FOCAD: variants seen among roughly 807,000 people sequenced by gnomAD.
FOCAD encodes focadhesin, also known as KIAA1797.
Under a neutral mutation model 225.6 loss-of-function variants are expected in FOCAD, and 198 were observed. That is an observed-to-expected ratio of 0.88 (90% CI 0.78 to 0.99). The LOEUF is 0.99. FOCAD is among the 50% of genes least tolerant of loss of function. The probability of loss-of-function intolerance (pLI) is 0.00; values close to 1 mark genes in which losing one functional copy is unlikely to be tolerated. For missense variants in FOCAD, 2,713 were observed against 2,123.6 expected, an observed-to-expected ratio of 1.28 and a Z score of -5.46; for synonymous variants, 897 against 755.0, an observed-to-expected ratio of 1.19 and a Z score of -3.08.
intron 1 of FOCAD, among the ~76,000 whole-genome samples, chr9:20,692,806 G>C (rs988384094): frequency 2.0e-5 from 3 of 152,188 alleles, no homozygotes; most frequent in African/African-American, 7.2e-5. Context: ...CTGTTGGTGA[G>C]AGCAGGTCAC....
In FOCAD at chr9:20,879,622, T is replaced by G. The variant is rs1351551411; in HGVS notation, c.2318-2249T>G. Among the ~76,000 whole-genome samples, 11 of 152,348 alleles carry G rather than the reference T, an allele frequency of 7.2e-5. No homozygotes were observed. The East Asian group carries it at 9.6e-4, about 13-fold the overall frequency. ...TTGAGAATTTATGTCTGACACTTTG[T>G]GTCCTACGAATTTTCAGCTTCTTTT... On this transcript the variant is annotated intron_variant, in intron 19 of 43. Transcript: ENST00000338382.
intron 8 of FOCAD, among the ~76,000 whole-genome samples, chr9:20,770,621 A>G (rs1054658202): frequency 3.3e-5 from 5 of 152,196 alleles, no homozygotes; most frequent in Non-Finnish European, 7.4e-5. Context: ...GGGGATTACA[A>G]TTTGACATGA....
intron 1 of FOCAD, among the ~76,000 whole-genome samples, chr9:20,708,597 C>G (rs1824577906): frequency 6.6e-6 from 1 of 151,712 alleles, no homozygotes; most frequent in South Asian, 2.1e-4. Flanking sequence ...GAGGGAGTCC[C>G]CGTTGCTACA....
At chr9:20,923,117 T>C (rs1011566009) in intron 24 of FOCAD, among the ~76,000 whole-genome samples, 2 of 152,164 alleles carry the variant, frequency 1.3e-5, no homozygotes, top group East Asian at 3.8e-4. Context: ...GTTGATAGTT[T>C]TGCTATATTA....
chr9:20,701,820 T>C (rs1823978299), intron 1 of FOCAD, among the ~76,000 whole-genome samples: 1 of 152,208 alleles, frequency 6.6e-6, no homozygotes, highest in African/African-American at 2.4e-5. Context: ...ATTACCTTTT[T>C]AGGATTGCAG....
intron 8 of FOCAD, among the ~76,000 whole-genome samples, chr9:20,773,051 T>C (rs1487784242): frequency 1.3e-5 from 2 of 152,018 alleles, no homozygotes; most frequent in East Asian, 3.8e-4. Context: ...TGTAGATAAA[T>C]TGCCAGTTCT....
At chr9:20,869,776 G>A (rs183611140) in intron 18 of FOCAD, among the ~76,000 whole-genome samples, 76 of 152,254 alleles carry the variant, frequency 5.0e-4, no homozygotes, top group Non-Finnish European at 8.1e-4. Context: ...GGTCCGATCT[G>A]AAGAGCTGAG....
chr9:20,834,807 C>G (rs1825841122), intron 15 of FOCAD, among the ~76,000 whole-genome samples: 1 of 152,076 alleles, frequency 6.6e-6, no homozygotes, highest in South Asian at 2.1e-4. Flanking sequence ...CCACATATGG[C>G]TAGTGATCAC....
intron 1 of FOCAD, among the ~76,000 whole-genome samples, chr9:20,695,555 G>A (rs542055095): frequency 6.6e-6 from 1 of 152,156 alleles, no homozygotes; most frequent in South Asian, 2.1e-4. Flanking sequence ...CACGTACACA[G>A]TCTTCAGTAC....
chr9:20,791,543 C>G (rs923024145), intron 11 of FOCAD, among the ~76,000 whole-genome samples: 1 of 152,076 alleles, frequency 6.6e-6, no homozygotes, highest in Non-Finnish European at 1.5e-5. Flanking sequence ...GTATTTAGAA[C>G]ATTCATGGTC....
chr9:20,994,274 T>C (rs1841900541), intron 43 of FOCAD, among the ~76,000 whole-genome samples: 1 of 152,252 alleles, frequency 6.6e-6, no homozygotes, highest in Non-Finnish European at 1.5e-5. Context: ...GGAAGATCTT[T>C]CCGTAAAACT....
intron 40 of FOCAD, among the ~76,000 whole-genome samples, 154 bp from the exon 41 acceptor site, chr9:20,988,178 G>A (rs1841350757): frequency 6.6e-6 from 1 of 152,134 alleles, no homozygotes; most frequent in Non-Finnish European, 1.5e-5. Context: ...TCTCTCACAG[G>A]CAGTCACAAG....
At position 20,885,170 on chromosome 9, in the gene FOCAD, C is replaced by G. The variant is rs1159836476; in HGVS notation, c.2565C>G (p.Asn855Lys). The G allele has an allele frequency of 1.3e-6, 2 of 1,547,458 alleles. No homozygotes were observed. Among genetic ancestry groups the G allele is most frequent in the Non-Finnish European group, 1.7e-6 (2 of 1,144,304 alleles). Reference protein sequence around the residue: ...MYQSKDGKPLNRLMASRGRSF... With the variant: ...MYQSKDGKPLKRLMASRGRSF... ...AGAGTAAAGATGGAAAACCATTGAA[C>G]AGACTGATGGCCAGCAGAGGGCGAA... The change falls in exon 21 of 44, where the codon AAC becomes AAG. Residue 855 changes from asparagine (N) to lysine (K), a missense_variant. By Grantham distance (94) the Asn-to-Lys change is moderately conservative. Coordinates refer to ENST00000338382, the MANE Select transcript of FOCAD (RefSeq NM_001375567.1).
At chr9:20,717,666 G>T (rs1222564993) in intron 2 of FOCAD, 128 bp from the exon 3 acceptor site, 7 of 673,358 alleles carry the variant, frequency 1.0e-5, no homozygotes. Flanking sequence ...CTTCTACATA[G>T]CACACACTTA....
At chr9:20,752,588 G>A (rs184476810) in intron 5 of FOCAD, among the ~76,000 whole-genome samples, 6 of 152,160 alleles carry the variant, frequency 3.9e-5, no homozygotes, top group Admixed American at 1.3e-4. Context: ...GAAGTCAGGT[G>A]GTGTGATGCC....
At chr9:20,690,239 A>G (rs1822893678) in intron 1 of FOCAD, among the ~76,000 whole-genome samples, 1 of 152,030 alleles carries the variant, frequency 6.6e-6, no homozygotes, top group Non-Finnish European at 1.5e-5. Context: ...TATTCCTTTT[A>G]CCTTCCGAAG....
rs1261929815 is a variant in FOCAD at position 20,752,022 on chromosome 9, A to G, written c.393-6068A>G. 4.8e-4 allele frequency among the ~76,000 whole-genome samples: 68 copies of G among 141,718 alleles called. 1 individual carries two copies. The highest frequency in any genetic ancestry group is 4.5e-3 in the South Asian group (19 of 4,182). The allele number at this position is 141,718 out of a possible 152,430, so 93.0% of individuals were successfully genotyped here. On this transcript the variant is annotated intron_variant, in intron 5 of 43. Transcript: ENST00000338382. Reference sequence around the variant, plus strand: ...ATGGGGTTGTTTGTTTTTTTCTTGTAAATTTGTTTGAGTTCATTGTAGATT... The same window carrying G: ...ATGGGGTTGTTTGTTTTTTTCTTGTGAATTTGTTTGAGTTCATTGTAGATT...
At chr9:20,970,351 G>A (rs563543324) in intron 35 of FOCAD, among the ~76,000 whole-genome samples, 1 of 152,126 alleles carries the variant, frequency 6.6e-6, no homozygotes, top group South Asian at 2.1e-4. Context: ...TATGCTTGAT[G>A]TATCCTTAGG....
chr9:20,946,759 A>C lies in FOCAD; in HGVS notation c.3614A>C (p.Glu1205Ala). The change falls in exon 30 of 44, where the codon GAG becomes GCG. Residue 1205 changes from glutamate to alanine, a missense_variant. Transcript: ENST00000338382. ...CTSAFSAGII[E>A]ATEAEDVMNK... Reference sequence around the variant, plus strand: ...TCAGCGTTCAGTGCTGGAATTATTGAGGCTACAGAGGCTGAGGATGTTATG... The same window carrying C: ...TCAGCGTTCAGTGCTGGAATTATTGCGGCTACAGAGGCTGAGGATGTTATG... The C allele has an allele frequency of 1.2e-6, 2 of 1,613,802 alleles. No homozygotes were observed. The highest frequency in any genetic ancestry group is 1.7e-6 in the Non-Finnish European group (2 of 1,179,778).
Sources: gnomAD v4.1 joint callset for allele counts (sites outside exome capture counted in the v4.1 genomes callset) on GRCh38, gnomAD v4.1.1 for gene constraint, MANE v1.5 for transcripts, NCBI Gene and HGNC (gene_info 2026-07-23, HGNC 2026-07-21) for gene names.